The following HS6ST3 variants were observed in gnomAD, a reference collection of about 807,000 sequenced individuals.
The protein encoded by HS6ST3 is heparan sulfate 6-O-sulfotransferase 3.
In HS6ST3, 12 loss-of-function variants were observed where a neutral mutation model predicts 36.7. The observed-to-expected ratio is 0.33, with a 90% CI of 0.21 to 0.53. HS6ST3 has a LOEUF of 0.53. HS6ST3 is among the 20% of genes least tolerant of loss of function. HS6ST3 has a pLI of 0.95. For synonymous variants in HS6ST3, 240 were observed against 257.5 expected (o/e 0.93, Z 0.65); for missense variants, 584 against 640.9 (o/e 0.91, Z 0.96).
At chr13:96,640,608 G>T (rs1049150094) in intron 1 of HS6ST3, among the ~76,000 whole-genome samples, 1 of 151,854 alleles carries the variant, frequency 6.6e-6, no homozygotes, top group Non-Finnish European at 1.5e-5. Flanking sequence ...TGCTTTTGAG[G>T]ACTTAGTCAT....
chr13:96,705,839 C>T (rs981687257), intron 1 of HS6ST3, among the ~76,000 whole-genome samples: 4 of 152,188 alleles, frequency 2.6e-5, no homozygotes, highest in Admixed American at 2.0e-4. Context: ...TGGGCACAGG[C>T]ACAGGTGACT....
At chr13:96,402,382 T>C (rs2055456357) in intron 1 of HS6ST3, among the ~76,000 whole-genome samples, 1 of 152,228 alleles carries the variant, frequency 6.6e-6, no homozygotes, top group African/African-American at 2.4e-5. Context: ...TTTTAACTAT[T>C]ATTATTAAGT....
chr13:96,701,212 A>G (rs942584536), intron 1 of HS6ST3, among the ~76,000 whole-genome samples: 3 of 152,214 alleles, frequency 2.0e-5, no homozygotes, highest in Non-Finnish European at 4.4e-5. Flanking sequence ...TTCTATCATG[A>G]CGACTGGTGC....
At chr13:96,112,982 T>C (rs1193189534) in intron 1 of HS6ST3, among the ~76,000 whole-genome samples, 1 of 151,854 alleles carries the variant, frequency 6.6e-6, no homozygotes. Flanking sequence ...CAGGAGCAGA[T>C]GTAGTGAATT....
chr13:96,646,277 T>C (rs952595984), intron 1 of HS6ST3, among the ~76,000 whole-genome samples: 1 of 151,968 alleles, frequency 6.6e-6, no homozygotes, highest in African/African-American at 2.4e-5. Flanking sequence ...TGCTGGGAAA[T>C]GAAGAGCTCT....
chr13:96,546,877 T>C (rs1176519383), intron 1 of HS6ST3, among the ~76,000 whole-genome samples: 1 of 152,204 alleles, frequency 6.6e-6, no homozygotes, highest in Non-Finnish European at 1.5e-5. Flanking sequence ...CCTGGGACCA[T>C]GCAAGGAAAA....
intron 1 of HS6ST3, among the ~76,000 whole-genome samples, chr13:96,724,404 A>G (rs952073449): frequency 1.3e-5 from 2 of 152,170 alleles, no homozygotes; most frequent in African/African-American, 2.4e-5. Flanking sequence ...AAAATGTACA[A>G]TTTCATAAAT....
rs1309153276 is a variant in HS6ST3, at chr13:96,327,098, G to A, written c.707+235529G>A. Among the ~76,000 whole-genome samples the A allele has an allele frequency of 4.1e-5, 6 of 144,960 alleles. No individual in the cohort carries two copies. In the East Asian group the frequency reaches 1.2e-3, roughly 29 times the overall value. ...ATATTAGCCCTTTGTCAGATGAGTAGGTTGTGAAAATTTTCTCCCATTTTG... is the reference window on the plus strand; with the variant it reads ...ATATTAGCCCTTTGTCAGATGAGTAAGTTGTGAAAATTTTCTCCCATTTTG... On this transcript the variant is annotated intron_variant, in intron 1 of 1. Coordinates refer to ENST00000376705, the MANE Select transcript of HS6ST3 (RefSeq NM_153456.4).
At chr13:96,547,661 A>G (rs761194088) in intron 1 of HS6ST3, among the ~76,000 whole-genome samples, 8 of 152,166 alleles carry the variant, frequency 5.3e-5, no homozygotes, top group Non-Finnish European at 1.2e-4. Context: ...TTCTCTTTGT[A>G]TAGTGTCACT....
chr13:96,625,580 C>T (rs527617555), intron 1 of HS6ST3, among the ~76,000 whole-genome samples: 3 of 152,018 alleles, frequency 2.0e-5, no homozygotes, highest in African/African-American at 7.2e-5. Context: ...TCAAATTACA[C>T]TTTAAATTAT....
chr13:96,305,916 C>T (rs1361601597), intron 1 of HS6ST3, among the ~76,000 whole-genome samples: 5 of 143,074 alleles, frequency 3.5e-5, no homozygotes, highest in African/African-American at 1.3e-4. Flanking sequence ...ACCAGATTTC[C>T]TTTCTTTCTT....
chr13:96,440,478 AGGG>A (rs2055665003), intron 1 of HS6ST3, among the ~76,000 whole-genome samples: 3 of 51,416 alleles, frequency 5.8e-5, no homozygotes, highest in Middle Eastern at 0.01. Context: ...AGGGGAGGGG[AGGG>A]GAGGGGAGAG....
intron 1 of HS6ST3, among the ~76,000 whole-genome samples, chr13:96,628,922 GTCTAC>G (rs143752758): frequency 0.012 from 1,831 of 152,122 alleles, 31 homozygotes; most frequent in African/African-American, 0.042. Flanking sequence ...GTGTGTATGT[GTCTAC>G]TCTATCTCTT....
intron 1 of HS6ST3, among the ~76,000 whole-genome samples, chr13:96,144,854 G>A (rs2054049418): frequency 7.7e-6 from 1 of 129,230 alleles, no homozygotes; most frequent in Admixed American, 9.4e-5. Context: ...GTGTCCATGT[G>A]TTCTTATTGT....
chr13:96,805,595 C>T (rs775010718), intron 1 of HS6ST3, among the ~76,000 whole-genome samples: 9 of 152,178 alleles, frequency 5.9e-5, no homozygotes, highest in Non-Finnish European at 1.2e-4. Context: ...GCTAAGTAAG[C>T]ATATTGTTGG....
chr13:96,143,894 T>G (rs2139318962), intron 1 of HS6ST3, among the ~76,000 whole-genome samples: 1 of 152,312 alleles, frequency 6.6e-6, no homozygotes, highest in East Asian at 1.9e-4. Flanking sequence ...AATGTTTTTC[T>G]TATTAACATT....
chr13:96,109,049 A>G (rs2053856131), intron 1 of HS6ST3, among the ~76,000 whole-genome samples: 6 of 152,194 alleles, frequency 3.9e-5, no homozygotes, highest in Admixed American at 3.9e-4. Flanking sequence ...GTTTAACTCT[A>G]TCATAGTTAG....
rs185580857 is a variant in HS6ST3, at chr13:96,543,370, A to C, written c.708-289120A>C. On this transcript the variant is annotated intron_variant, in intron 1 of 1. Coordinates refer to ENST00000376705, the MANE Select transcript of HS6ST3 (RefSeq NM_153456.4). Reference sequence around the variant, plus strand: ...AGGATCCAAATAGACACTCAGCCCCAAGAGTAATTCTCAGAGCAGTCAGAA... The same window carrying C: ...AGGATCCAAATAGACACTCAGCCCCCAGAGTAATTCTCAGAGCAGTCAGAA... Among the ~76,000 whole-genome samples the C allele has an allele frequency of 2.0e-5, 3 of 152,320 alleles. No individual in the cohort carries two copies. In the East Asian group the frequency reaches 5.8e-4, roughly 29 times the overall value.
chr13:96,518,776 C>T (rs1048807576), intron 1 of HS6ST3, among the ~76,000 whole-genome samples: 1 of 152,092 alleles, frequency 6.6e-6, no homozygotes, highest in African/African-American at 2.4e-5. Context: ...AGATGAAAAG[C>T]AAATGTCTGA....
Sources: allele counts gnomAD v4.1 joint callset (sites outside exome capture counted in the v4.1 genomes callset), GRCh38; gene constraint gnomAD v4.1.1; transcripts MANE v1.5; gene names NCBI Gene and HGNC (gene_info 2026-07-23, HGNC 2026-07-21).